Variants in SHISA9 observed in about 807,000 individuals in gnomAD.
SHISA9 encodes the protein protein shisa-9.
A neutral mutation model predicts 38.0 loss-of-function variants in SHISA9; 13 were observed. That is an observed-to-expected ratio of 0.34 (90% CI 0.22 to 0.54). SHISA9 has a LOEUF of 0.54. Ranked by LOEUF, SHISA9 falls within the 20% of genes least tolerant of loss-of-function variation. SHISA9 has a pLI of 0.91. For synonymous variants in SHISA9, 275 were observed against 242.0 expected, an observed-to-expected ratio of 1.14 and a Z score of -1.27; for missense variants, 538 against 575.8, an observed-to-expected ratio of 0.93 and a Z score of 0.67.
At chr16:13,069,545 A>G (rs867971424) in intron 2 of SHISA9, among the ~76,000 whole-genome samples, 5 of 151,242 alleles carry the variant, frequency 3.3e-5, no homozygotes, top group Non-Finnish European at 7.4e-5. Flanking sequence ...GTGCATGTGT[A>G]GGGTGTATGT....
chr16:13,036,941 A>G (rs1038450950), intron 2 of SHISA9, among the ~76,000 whole-genome samples: 2 of 152,126 alleles, frequency 1.3e-5, no homozygotes, highest in African/African-American at 4.8e-5. Context: ...GAATTATTTC[A>G]TTTTAGTCTC....
the SHISA9 span, among the ~76,000 whole-genome samples, chr16:13,369,625 A>G: frequency 6.6e-6 from 1 of 152,028 alleles, no homozygotes; most frequent in Admixed American, 6.6e-5. Flanking sequence ...CTCGGTGTCC[A>G]CTGATGGGGC....
chr16:13,315,307 T>C, the SHISA9 span, among the ~76,000 whole-genome samples: 5 of 152,334 alleles, frequency 3.3e-5, no homozygotes, highest in East Asian at 9.6e-4. Context: ...TCTAGAGTAA[T>C]TGTGAGAACA....
chr16:13,356,911 A>G, the SHISA9 span, among the ~76,000 whole-genome samples: 1 of 152,166 alleles, frequency 6.6e-6, no homozygotes, highest in Non-Finnish European at 1.5e-5. Flanking sequence ...TCGAGTTTGT[A>G]TTGGGGTCAA....
chr16:13,109,907 G>C (rs374654731), intron 2 of SHISA9, among the ~76,000 whole-genome samples: 1 of 152,126 alleles, frequency 6.6e-6, no homozygotes, highest in East Asian at 1.9e-4. Context: ...ACACATTGGC[G>C]AACATTGGAG....
At chr16:13,380,234 A>C in the SHISA9 span, among the ~76,000 whole-genome samples, 1 of 152,214 alleles carries the variant, frequency 6.6e-6, no homozygotes, top group South Asian at 2.1e-4. Context: ...CCGGGTTTGA[A>C]AAATATTATT....
chr16:12,902,063 C>G lies in SHISA9; in HGVS notation c.-2C>G. On this transcript the variant is annotated 5_prime_UTR_variant, in exon 1 of 5. Transcript: ENST00000558583. ...GCGGCCGAGCCCGGGCTGGGAGACACCATGCGCCGCGTCCTTCGGCTGCTC... is the reference window on the plus strand; with the variant it reads ...GCGGCCGAGCCCGGGCTGGGAGACAGCATGCGCCGCGTCCTTCGGCTGCTC... 2.0e-6 allele frequency: 3 copies of G among 1,485,448 alleles called. No homozygotes were observed. The highest frequency in any genetic ancestry group is 2.7e-6 in the Non-Finnish European group (3 of 1,126,468). 92.0% of individuals were successfully genotyped at this position (1,485,448 alleles called of 1,614,324 possible). A position where few individuals can be genotyped will look rare whatever the true frequency, so the allele number is the denominator to read the frequency against.
chr16:12,985,374 C>G (rs1438655768), intron 2 of SHISA9, among the ~76,000 whole-genome samples: 1 of 152,048 alleles, frequency 6.6e-6, no homozygotes, highest in African/African-American at 2.4e-5. Flanking sequence ...TCTGGTGAAC[C>G]CTTCTCCAAG....
intron 2 of SHISA9, among the ~76,000 whole-genome samples, chr16:13,074,217 C>A (rs954970852): frequency 6.6e-6 from 1 of 151,882 alleles, no homozygotes; most frequent in Admixed American, 6.6e-5. Flanking sequence ...TGATCCACCC[C>A]CCTCGGCCTC....
the SHISA9 span, among the ~76,000 whole-genome samples, chr16:13,510,332 G>T: frequency 6.6e-6 from 1 of 152,028 alleles, no homozygotes; most frequent in Non-Finnish European, 1.5e-5. Flanking sequence ...ACAAACTGAG[G>T]CTCATTCAGA....
the SHISA9 span, among the ~76,000 whole-genome samples, chr16:13,265,493 A>C: frequency 1.3e-3 from 98 of 77,318 alleles, no homozygotes; most frequent in African/African-American, 2.1e-3. Flanking sequence ...CCTTTCCTTC[A>C]TTCCCTTCCC....
At chr16:13,137,938 C>T (rs2050364803) in intron 2 of SHISA9, among the ~76,000 whole-genome samples, 1 of 152,038 alleles carries the variant, frequency 6.6e-6, no homozygotes, top group Admixed American at 6.6e-5. Flanking sequence ...GGACTAAGCG[C>T]AAGTAGATTC....
chr16:13,355,429 AGAG>A, the SHISA9 span, among the ~76,000 whole-genome samples: 1 of 151,766 alleles, frequency 6.6e-6, no homozygotes, highest in African/African-American at 2.4e-5. Flanking sequence ...GGGGGATACA[AGAG>A]GAGGACGCAA....
chr16:13,355,353 G>A, the SHISA9 span, among the ~76,000 whole-genome samples: 1 of 151,854 alleles, frequency 6.6e-6, no homozygotes, highest in Non-Finnish European at 1.5e-5. Flanking sequence ...TTAATGAGAT[G>A]GTAAGGGGTG....
At chr16:13,145,182 A>G (rs2141999523) in intron 2 of SHISA9, among the ~76,000 whole-genome samples, 1 of 152,292 alleles carries the variant, frequency 6.6e-6, no homozygotes, top group South Asian at 2.1e-4. Context: ...ATTGCAGCAT[A>G]GTCCATTTTT....
At chr16:13,017,266 C>T (rs528546281) in intron 2 of SHISA9, among the ~76,000 whole-genome samples, 31 of 152,212 alleles carry the variant, frequency 2.0e-4, no homozygotes, top group African/African-American at 6.0e-4. Flanking sequence ...GTGATCCGCC[C>T]GCCTTGGCCT....
intron 2 of SHISA9, among the ~76,000 whole-genome samples, chr16:13,039,424 C>G (rs954399350): frequency 6.6e-6 from 1 of 151,286 alleles, no homozygotes; most frequent in Non-Finnish European, 1.5e-5. Context: ...TTTCCATGGT[C>G]TCATCCCCAG....
At chr16:12,917,552 AG>A (rs983905902) in intron 2 of SHISA9, among the ~76,000 whole-genome samples, 1 of 152,188 alleles carries the variant, frequency 6.6e-6, no homozygotes, top group African/African-American at 2.4e-5. Context: ...TTCCTTTCAA[AG>A]GTCTGTATAT....
chr16:13,360,550 G>A, the SHISA9 span, among the ~76,000 whole-genome samples: 4 of 152,152 alleles, frequency 2.6e-5, no homozygotes, highest in East Asian at 5.8e-4. Flanking sequence ...TGCAAAGAAG[G>A]ATGTGTTTGC....
Sources: allele counts gnomAD v4.1 joint callset (sites outside exome capture counted in the v4.1 genomes callset), GRCh38; gene constraint gnomAD v4.1.1; transcripts MANE v1.5; gene names NCBI Gene and HGNC (gene_info 2026-07-23, HGNC 2026-07-21).